The following UBE4B variants were observed in gnomAD, a reference collection of about 807,000 sequenced individuals.
UBE4B encodes the protein ubiquitin conjugation factor E4 B.
UBE4B carries 27 observed loss-of-function variants against 148.1 expected under a neutral mutation model. The observed-to-expected ratio is 0.18, with a 90% CI of 0.13 to 0.25. The LOEUF is 0.25. UBE4B is among the 10% of genes least tolerant of loss of function. The pLI is 1.00. For missense variants in UBE4B, 1,170 were observed against 1,662.4 expected (o/e 0.70, Z 5.15); for synonymous variants, 596 against 619.3 (o/e 0.96, Z 0.56).
chr1:10,071,838 AGTT>A (rs1644491736), intron 1 of UBE4B, among the ~76,000 whole-genome samples, 187 bp from the exon 2 acceptor site: 1 of 152,120 alleles, frequency 6.6e-6, no homozygotes, highest in African/African-American at 2.4e-5. Context: ...GCCAAAATAC[AGTT>A]GTTAAAAACT....
At chr1:10,088,901 C>G (rs1019474451) in intron 2 of UBE4B, among the ~76,000 whole-genome samples, 2 of 151,928 alleles carry the variant, frequency 1.3e-5, no homozygotes, top group African/African-American at 4.8e-5. Flanking sequence ...TTGGTCTTAA[C>G]CTCCTGGGCT....
At chr1:10,151,223 T>C in intron 20 of UBE4B, 103 bp from the exon 21 acceptor site, 6 of 1,041,570 alleles carry the variant, frequency 5.8e-6, no homozygotes, top group Admixed American at 4.6e-5. Flanking sequence ...AACCTACTTA[T>C]CCTGCCTTCC....
At chr1:10,100,240 C>T (rs565344782) in intron 3 of UBE4B, among the ~76,000 whole-genome samples, 5 of 152,304 alleles carry the variant, frequency 3.3e-5, no homozygotes, top group African/African-American at 9.6e-5. Context: ...CCGCCCACCT[C>T]GGCCTCCCAA....
At chr1:10,158,593 G>T in intron 22 of UBE4B, 111 bp downstream of exon 22, 1 of 1,412,704 alleles carries the variant, frequency 7.1e-7, no homozygotes, top group Non-Finnish European at 9.5e-7. Context: ...CTTGGTCTCA[G>T]ACTCCTTTGA....
chr1:10,155,485 T>TC (rs1238550284), intron 21 of UBE4B, among the ~76,000 whole-genome samples: 1 of 152,010 alleles, frequency 6.6e-6, no homozygotes, highest in Non-Finnish European at 1.5e-5. Context: ...TTAGCACAGG[T>TC]CCCCCTGGCT....
At chr1:10,088,456 A>G (rs1041571206) in intron 2 of UBE4B, among the ~76,000 whole-genome samples, 2 of 151,554 alleles carry the variant, frequency 1.3e-5, no homozygotes, top group Non-Finnish European at 2.9e-5. Context: ...TCTCACTGCA[A>G]CTTCCGCCTC....
chr1:10,110,533 T>G (rs1338817261), intron 7 of UBE4B, among the ~76,000 whole-genome samples: 1 of 151,444 alleles, frequency 6.6e-6, no homozygotes, highest in Admixed American at 6.6e-5. Flanking sequence ...AATAAATCAA[T>G]AAATAAAAGC....
chr1:10,111,043 T>TCACACACA (rs1408430397), intron 7 of UBE4B, among the ~76,000 whole-genome samples: 5 of 91,054 alleles, frequency 5.5e-5, no homozygotes, highest in African/African-American at 1.8e-4. Flanking sequence ...TCTCTGTCTC[T>TCACACACA]GACACACACA....
intron 7 of UBE4B, among the ~76,000 whole-genome samples, chr1:10,113,114 C>T (rs997306664): frequency 1.3e-5 from 2 of 152,154 alleles, no homozygotes; most frequent in East Asian, 3.8e-4. Flanking sequence ...ATGACACCAG[C>T]ATCTGCTTCT....
At chr1:10,158,634 A>G in intron 22 of UBE4B, 152 bp downstream of exon 22, 1 of 1,025,700 alleles carries the variant, frequency 9.7e-7, no homozygotes, top group East Asian at 2.5e-5. Context: ...AAATGTGGGC[A>G]GGATTTTTTA....
chr1:10,036,099 T>G (rs1286553274), intron 1 of UBE4B, among the ~76,000 whole-genome samples: 1 of 145,388 alleles, frequency 6.9e-6, no homozygotes, highest in Non-Finnish European at 1.5e-5. Flanking sequence ...TTTTTTTTTT[T>G]GATGATCTGT....
chr1:10,155,296 T>C (rs902272735), intron 21 of UBE4B, among the ~76,000 whole-genome samples: 2 of 152,212 alleles, frequency 1.3e-5, no homozygotes, highest in Non-Finnish European at 2.9e-5. Flanking sequence ...ACATCTGTAC[T>C]AATAATAGCC....
intron 8 of UBE4B, among the ~76,000 whole-genome samples, chr1:10,119,045 G>A (rs980533832): frequency 2.6e-5 from 4 of 151,038 alleles, no homozygotes; most frequent in East Asian, 1.9e-4. Flanking sequence ...ACCATGTCTG[G>A]CTAATTTTTT....
At position 10,173,439 on chromosome 1, in the gene UBE4B, G is replaced by A. The variant is rs186543231; in HGVS notation, c.3525+2110G>A. 1.8e-3 allele frequency among the ~76,000 whole-genome samples: 266 copies of A among 150,152 alleles called. No homozygotes were observed. In the Middle Eastern group the frequency reaches 0.027, roughly 15 times the overall value. ...AGAGCTTGCAGTGAGCGGAGATCGAGCCACTGCACTCCAGCCTGGGCGACA... is the reference window on the plus strand; with the variant it reads ...AGAGCTTGCAGTGAGCGGAGATCGAACCACTGCACTCCAGCCTGGGCGACA... On this transcript the variant is annotated intron_variant, in intron 25 of 27. Transcript: ENST00000343090.
At chr1:10,038,929 A>G (rs11804755) in intron 1 of UBE4B, among the ~76,000 whole-genome samples, 10,049 of 152,100 alleles carry the variant, frequency 0.066, 1,012 homozygotes, top group African/African-American at 0.22. Flanking sequence ...GTGTGATGGT[A>G]CGCACCTGTA....
At chr1:10,121,468 A>C (rs1645410421) in intron 9 of UBE4B, among the ~76,000 whole-genome samples, 2 of 152,048 alleles carry the variant, frequency 1.3e-5, no homozygotes, top group African/African-American at 4.8e-5. Flanking sequence ...TGGAGTGCTC[A>C]CTATAACCTC....
In UBE4B at chr1:10,134,975, TCAAC is replaced by T. The variant is rs1489638862; in HGVS notation, c.2026-12_2026-9del. The T allele has an allele frequency of 6.2e-7, 1 of 1,610,160 alleles. No homozygotes were observed. On this transcript the variant is annotated splice_polypyrimidine_tract_variant and intron_variant, in intron 15 of 27. Coordinates refer to ENST00000343090, the MANE Select transcript of UBE4B (RefSeq NM_001105562.3). ...TAATGTTTAAAAATACTTTTTCTTT[TCAAC>T]TTTCACAGACAGATGATAGATTGGT...
intron 1 of UBE4B, 103 bp downstream of exon 1, chr1:10,033,797 A>AAGG (rs1343632608): frequency 1.6e-6 from 2 of 1,235,336 alleles, no homozygotes; most frequent in Non-Finnish European, 2.2e-6. Flanking sequence ...GGGCTTGGAG[A>AAGG]AGGAACGGAG....
chr1:10,047,327 A>G (rs1264074807), intron 1 of UBE4B, among the ~76,000 whole-genome samples: 1 of 151,868 alleles, frequency 6.6e-6, no homozygotes, highest in Non-Finnish European at 1.5e-5. Context: ...AGGGGGCCAG[A>G]CTCATGCTGT....
Sources: allele counts gnomAD v4.1 joint callset (sites outside exome capture counted in the v4.1 genomes callset), GRCh38; gene constraint gnomAD v4.1.1; transcripts MANE v1.5; gene names NCBI Gene and HGNC (gene_info 2026-07-23, HGNC 2026-07-21).